AKAP13: variants seen among roughly 807,000 people sequenced by gnomAD.
AKAP13 encodes the protein A-kinase anchoring protein 13.
In AKAP13, 80 loss-of-function variants were observed where a neutral mutation model predicts 264.5. The observed-to-expected ratio is 0.30, with a 90% CI of 0.25 to 0.36. AKAP13 has a LOEUF of 0.36. Among genes scored for constraint, AKAP13 ranks in the 10% least tolerant of loss-of-function variants. AKAP13 has a pLI of 1.00. For missense variants in AKAP13, 3,712 were observed against 3,435.2 expected, an observed-to-expected ratio of 1.08 and a Z score of -2.01; for synonymous variants, 1,380 against 1,250.2, an observed-to-expected ratio of 1.10 and a Z score of -2.19.
At chr15:85,715,234 T>C (rs2086862035) in intron 19 of AKAP13, among the ~76,000 whole-genome samples, 1 of 152,210 alleles carries the variant, frequency 6.6e-6, no homozygotes, top group African/African-American at 2.4e-5. Flanking sequence ...GAGATAGATC[T>C]ATCTGTGTCA....
chr15:85,724,520 G>GAC lies in AKAP13; in HGVS notation c.6745+1201_6745+1202insCA, dbSNP rs769944997. Among the ~76,000 whole-genome samples the GAC allele has an allele frequency of 0.94, 142,816 of 151,536 alleles. 67,338 individuals carry two copies. Among genetic ancestry groups the GAC allele is most frequent in the East Asian group, 0.98 (5,007 of 5,098 alleles). On this transcript the variant is annotated intron_variant, in intron 26 of 36. Transcript: ENST00000394518. This position sits in a 1 kb window ranked among gnomAD's most constrained non-coding sequence, Gnocchi z 4.2. The stretch of plus-strand genomic sequence containing the variant: ...GAGTGGACACCCGGGACTCTCACGT[G>GAC]AGAGAGCAGAGTGAATGACAGGGGA...
At chr15:85,703,882 A>G (rs1030926612) in intron 17 of AKAP13, among the ~76,000 whole-genome samples, 1 of 151,072 alleles carries the variant, frequency 6.6e-6, no homozygotes, top group Non-Finnish European at 1.5e-5. Flanking sequence ...ACACACACAT[A>G]TATTTAATAA....
intron 1 of AKAP13, among the ~76,000 whole-genome samples, chr15:85,439,734 A>T (rs193255613): frequency 7.0e-6 from 1 of 142,728 alleles, no homozygotes; most frequent in Non-Finnish European, 1.5e-5. Context: ...AAAACCAAAC[A>T]CCGCATATTC....
chr15:85,619,930 GT>G lies in AKAP13; in HGVS notation c.4162-19439del, dbSNP rs753524012. Reference sequence around the variant, plus strand: ...CTGCTTGATTTCTTTTTAATTCATTGTTTTTGACCCCTTTGAGAGTTTTAAT... The same window carrying G: ...CTGCTTGATTTCTTTTTAATTCATTGTTTTGACCCCTTTGAGAGTTTTAAT... On this transcript the variant is annotated intron_variant, in intron 8 of 36. Coordinates refer to ENST00000394518, the MANE Select transcript of AKAP13 (RefSeq NM_007200.5). The G allele has an allele frequency of 2.8e-3, 4,071 of 1,438,472 alleles. 7 individuals are homozygous for G. Among genetic ancestry groups the G allele is most frequent in the Non-Finnish European group, 3.4e-3 (3,793 of 1,101,164 alleles). The allele number at this position is 1,438,472 out of a possible 1,614,324, so 89.1% of individuals were successfully genotyped here. A position where few individuals can be genotyped will look rare whatever the true frequency, so the allele number is the denominator to read the frequency against.
At chr15:85,608,102 TG>T (rs1286681662) in intron 8 of AKAP13, among the ~76,000 whole-genome samples, 1 of 152,116 alleles carries the variant, frequency 6.6e-6, no homozygotes, top group African/African-American at 2.4e-5. Flanking sequence ...AGTCATTTTT[TG>T]GCTTGTCTGA....
intron 10 of AKAP13, among the ~76,000 whole-genome samples, chr15:85,653,397 G>A (rs1179813764): frequency 6.6e-6 from 1 of 152,176 alleles, no homozygotes; most frequent in African/African-American, 2.4e-5. Context: ...AGTTTGACCT[G>A]TCCAGTGATC....
chr15:85,722,129 A>C lies in AKAP13; in HGVS notation c.6378+13A>C. On this transcript the variant is annotated intron_variant, in intron 24 of 36. Coordinates refer to ENST00000394518, the MANE Select transcript of AKAP13 (RefSeq NM_007200.5). ...AGCCTTTGTAAAGGTATTGATAAGA[A>C]ACATGAAAATCCCCGTTATTGTTGA... The C allele has an allele frequency of 6.2e-7, 1 of 1,613,340 alleles. No homozygotes were observed. Among genetic ancestry groups the C allele is most frequent in the Non-Finnish European group, 8.5e-7 (1 of 1,179,632 alleles).
At chr15:85,422,395 G>GA (rs1446088267) in intron 1 of AKAP13, among the ~76,000 whole-genome samples, 1 of 152,112 alleles carries the variant, frequency 6.6e-6, no homozygotes, top group African/African-American at 2.4e-5. Flanking sequence ...AAAAGGGGAG[G>GA]AAAGGCTTGG....
At chr15:85,695,783 A>G (rs2085534087) in intron 17 of AKAP13, among the ~76,000 whole-genome samples, 1 of 152,162 alleles carries the variant, frequency 6.6e-6, no homozygotes, top group South Asian at 2.1e-4. Context: ...CCACTACCAC[A>G]TAATAATAAT....
intron 1 of AKAP13, among the ~76,000 whole-genome samples, chr15:85,454,709 C>T (rs1311827515): frequency 2.0e-5 from 3 of 152,108 alleles, no homozygotes; most frequent in African/African-American, 7.2e-5. Flanking sequence ...TTAAAGTGTA[C>T]AGTTATTTTA....
intron 35 of AKAP13, among the ~76,000 whole-genome samples, 174 bp from the exon 36 acceptor site, chr15:85,743,318 A>C (rs1450996587): frequency 6.6e-6 from 1 of 152,200 alleles, no homozygotes; most frequent in African/African-American, 2.4e-5. Context: ...GGGGGAGGGC[A>C]GCTAATGAAA....
At chr15:85,495,653 A>G (rs989065205) in intron 2 of AKAP13, among the ~76,000 whole-genome samples, 18 of 152,348 alleles carry the variant, frequency 1.2e-4, no homozygotes, top group African/African-American at 4.1e-4. Context: ...CGAAGGTAAT[A>G]TATGGGATAA....
At chr15:85,670,002 A>C (rs900299938) in intron 14 of AKAP13, among the ~76,000 whole-genome samples, 172 bp downstream of exon 14, 1 of 152,160 alleles carries the variant, frequency 6.6e-6, no homozygotes, top group Admixed American at 6.5e-5. Context: ...TTATCTTGAG[A>C]TCTTCTTCCT....
At chr15:85,518,874 C>G (rs2076704344) in intron 2 of AKAP13, among the ~76,000 whole-genome samples, 1 of 152,154 alleles carries the variant, frequency 6.6e-6, no homozygotes. Context: ...CAATTTAAAA[C>G]TTACTTGTAA....
At chr15:85,560,119 G>A (rs2078308334) in intron 5 of AKAP13, among the ~76,000 whole-genome samples, 1 of 108,990 alleles carries the variant, frequency 9.2e-6, no homozygotes, top group African/African-American at 3.7e-5. Context: ...GATACCTGCT[G>A]TCTCCACCTA....
Position 85,728,092 on chromosome 15 carries a change from T to TA in AKAP13, c.7087+631dup, listed in dbSNP as rs2087727079. Among the ~76,000 whole-genome samples, 3 of 152,280 alleles carry TA rather than the reference T, an allele frequency of 2.0e-5. No individual in the cohort carries two copies. In the South Asian group the frequency reaches 6.2e-4, roughly 32 times the overall value. On this transcript the variant is annotated intron_variant, in intron 29 of 36. Transcript: ENST00000394518. ...AGGGTTAACGTGTGTAGTTAGTGGGTAAGCCAGAATTCTATTCCCTGTCTT... is the reference window on the plus strand; with the variant it reads ...AGGGTTAACGTGTGTAGTTAGTGGGTAAAGCCAGAATTCTATTCCCTGTCTT...
intron 13 of AKAP13, among the ~76,000 whole-genome samples, chr15:85,669,104 C>T (rs370386490): frequency 1.7e-4 from 26 of 149,636 alleles, no homozygotes; most frequent in East Asian, 1.6e-3. Flanking sequence ...CGCGTGGTGG[C>T]GCGCACCTGT....
At chr15:85,743,007 G>A (rs913738642) in intron 35 of AKAP13, among the ~76,000 whole-genome samples, 1 of 152,190 alleles carries the variant, frequency 6.6e-6, no homozygotes. Context: ...ACCCAGAGTA[G>A]ATGATCCTCT....
rs759267714 is a variant in AKAP13, at chr15:85,719,563, CATATG to C, written c.6252+241_6252+245del. On this transcript the variant is annotated intron_variant, in intron 23 of 36. Coordinates refer to ENST00000394518, the MANE Select transcript of AKAP13 (RefSeq NM_007200.5). ...GAGGGTATATATAAAGTACCTAATGCATATGATAGATGCTCAGTAAAACTTAGTTT... is the reference window on the plus strand; with the variant it reads ...GAGGGTATATATAAAGTACCTAATGCATAGATGCTCAGTAAAACTTAGTTT... 3.1e-4 allele frequency among the ~76,000 whole-genome samples: 47 copies of C among 152,272 alleles called. 2 individuals are homozygous for C. The highest frequency in any genetic ancestry group is 4.6e-4 in the Admixed American group (7 of 15,300).
Sources: gnomAD v4.1 joint callset for allele counts (sites outside exome capture counted in the v4.1 genomes callset) on GRCh38, gnomAD v4.1.1 for gene constraint, Gnocchi (gnomAD v3.1) non-coding constraint, MANE v1.5 for transcripts, NCBI Gene and HGNC (gene_info 2026-07-23, HGNC 2026-07-21) for gene names.